Variants in METTL8 observed in about 807,000 individuals in gnomAD.
The protein encoded by METTL8 is tRNA N(3)-cytidine methyltransferase METTL8, mitochondrial.
A neutral mutation model predicts 48.7 loss-of-function variants in METTL8; 32 were observed. The observed-to-expected ratio is 0.66, with a 90% CI of 0.50 to 0.88. The LOEUF is 0.88. Among genes scored for constraint, METTL8 ranks in the 40% least tolerant of loss-of-function variants. The pLI, the probability that METTL8 is intolerant of heterozygous loss-of-function variation, is 0.00. For synonymous variants in METTL8, 136 were observed against 157.1 expected, an observed-to-expected ratio of 0.87 and a Z score of 1.01; for missense variants, 464 against 474.4, an observed-to-expected ratio of 0.98 and a Z score of 0.20.
chr2:171,397,352 TAAAAAAAAAAAA>T (rs71013039), intron 1 of METTL8, among the ~76,000 whole-genome samples: 6 of 11,692 alleles, frequency 5.1e-4, no homozygotes, highest in Non-Finnish European at 7.9e-4. Context: ...ACCCTGTCTC[TAAAAAAAAAAAA>T]AAAAAAAAAA....
chr2:171,385,765 G>C (rs1052738382), intron 2 of METTL8, among the ~76,000 whole-genome samples: 1 of 152,152 alleles, frequency 6.6e-6, no homozygotes, highest in Non-Finnish European at 1.5e-5. Flanking sequence ...GAGGTGAGAG[G>C]GAAAAGGAAG....
intron 2 of METTL8, among the ~76,000 whole-genome samples, chr2:171,365,194 C>A (rs921272867): frequency 6.6e-6 from 1 of 152,036 alleles, no homozygotes; most frequent in African/African-American, 2.4e-5. Context: ...ACAGGTTGCT[C>A]GGGGAAATAA....
chr2:171,322,743 CAAAAA>C lies in METTL8; in HGVS notation c.*1424_*1428del, dbSNP rs34093427. 18 of 108,292 alleles carry C rather than the reference CAAAAA, an allele frequency of 1.7e-4. No individual in the cohort carries two copies. The highest frequency in any genetic ancestry group is 1.7e-4 in the Non-Finnish European group (9 of 53,684). 6.7% of individuals were successfully genotyped at this position (108,292 alleles called of 1,614,324 possible). A position where few individuals can be genotyped will look rare whatever the true frequency, so the allele number is the denominator to read the frequency against. ...TGGGTGCCAGAGCAAGACTCCATCT[CAAAAA>C]AAAAAAAAAAAAAAAAGTAAAACAT... On this transcript the variant is annotated 3_prime_UTR_variant, in exon 10 of 10. Transcript: ENST00000375258.
At chr2:171,343,529 T>A (rs912712058) in intron 3 of METTL8, among the ~76,000 whole-genome samples, 1 of 152,040 alleles carries the variant, frequency 6.6e-6, no homozygotes, top group African/African-American at 2.4e-5. Context: ...TATACATTGA[T>A]GGCAGCTCTA....
intron 5 of METTL8, among the ~76,000 whole-genome samples, chr2:171,336,128 G>A (rs1022576203): frequency 2.0e-5 from 3 of 151,236 alleles, no homozygotes; most frequent in African/African-American, 7.3e-5. Flanking sequence ...ACAAAGTTTC[G>A]CACTGTTGCC....
At chr2:171,333,288 G>T (rs1685744936) in intron 5 of METTL8, among the ~76,000 whole-genome samples, 1 of 152,068 alleles carries the variant, frequency 6.6e-6, no homozygotes, top group East Asian at 1.9e-4. Context: ...AGTAGAGACA[G>T]GGTTTCACCA....
intron 3 of METTL8, among the ~76,000 whole-genome samples, chr2:171,340,228 C>A (rs1686585683): frequency 2.1e-5 from 3 of 144,138 alleles, no homozygotes; most frequent in Admixed American, 1.4e-4. Context: ...GAGGGCTGGG[C>A]ACGGTGGCTC....
At chr2:171,407,765 T>C (rs927438991) in intron 1 of METTL8, among the ~76,000 whole-genome samples, 1 of 152,256 alleles carries the variant, frequency 6.6e-6, no homozygotes, top group African/African-American at 2.4e-5. Flanking sequence ...ATAGGAGCCA[T>C]GTATAACTGC....
intron 9 of METTL8, among the ~76,000 whole-genome samples, chr2:171,325,121 CAAAAAAA>C (rs3835041): frequency 1.3e-5 from 1 of 76,052 alleles, no homozygotes; most frequent in South Asian, 5.0e-4. Context: ...GACTCTGTCT[CAAAAAAA>C]AAAAAAAAAA....
intron 1 of METTL8, among the ~76,000 whole-genome samples, chr2:171,414,169 G>A (rs1691039637): frequency 6.6e-6 from 1 of 152,152 alleles, no homozygotes. Context: ...TGTAATTCCA[G>A]CCCTTTGAGA....
intron 5 of METTL8, among the ~76,000 whole-genome samples, chr2:171,333,359 A>T (rs986614068): frequency 6.6e-6 from 1 of 152,184 alleles, no homozygotes; most frequent in Non-Finnish European, 1.5e-5. Context: ...TGGACTCCCA[A>T]AGTGCTGGGA....
chr2:171,389,872 T>C (rs1200849061), intron 2 of METTL8, among the ~76,000 whole-genome samples: 1 of 152,166 alleles, frequency 6.6e-6, no homozygotes, highest in Admixed American at 6.6e-5. Context: ...CTAAGATCAC[T>C]GATGAAGGTG....
In METTL8 at chr2:171,393,116, A is replaced by AC. The variant is rs1424816516; in HGVS notation, c.-12-920dup. On this transcript the variant is annotated intron_variant, in intron 1 of 9. Transcript: ENST00000375258. ...AAGACTCTGTCTCAAAACAAACAAA[A>AC]CAAAACAAAAATGCATGCTTAAGGC... Among the ~76,000 whole-genome samples the AC allele has an allele frequency of 6.6e-5, 10 of 150,478 alleles. No homozygotes were observed. In the East Asian group the frequency reaches 1.8e-3, roughly 27 times the overall value.
intron 1 of METTL8, among the ~76,000 whole-genome samples, chr2:171,427,290 C>T (rs992176934): frequency 6.6e-6 from 1 of 152,184 alleles, no homozygotes; most frequent in African/African-American, 2.4e-5. Flanking sequence ...TGGACAAATG[C>T]AATAGCCACC....
At chr2:171,327,751 G>A (rs138659343) in intron 7 of METTL8, among the ~76,000 whole-genome samples, 5 of 152,152 alleles carry the variant, frequency 3.3e-5, no homozygotes, top group South Asian at 2.1e-4. Context: ...AAAAAGAAAC[G>A]TATTTTTTGT....
At chr2:171,398,471 G>T (rs1689327102) in intron 1 of METTL8, among the ~76,000 whole-genome samples, 1 of 152,140 alleles carries the variant, frequency 6.6e-6, no homozygotes, top group Non-Finnish European at 1.5e-5. Flanking sequence ...GATAGAGACA[G>T]GAAGTGGAGT....
At chr2:171,395,543 G>C (rs1197524191) in intron 1 of METTL8, among the ~76,000 whole-genome samples, 1 of 152,134 alleles carries the variant, frequency 6.6e-6, no homozygotes, top group Non-Finnish European at 1.5e-5. Flanking sequence ...AGCTGGTGGG[G>C]CTATATTAAT....
At position 171,392,049 on chromosome 2, in the gene METTL8, T is replaced by C. The variant is rs1441481800; in HGVS notation, c.137A>G (p.Asn46Ser). Residue 46 changes from asparagine to serine, a missense_variant, in exon 2 of 10, where the codon AAC becomes AGC. Asn to Ser is a conservative substitution (Grantham distance 46). Coordinates refer to ENST00000375258, the MANE Select transcript of METTL8 (RefSeq NM_001321154.2). ...LTDPAKVFEH[N>S]MWDHMQWSKE... ...ATTTAAAAAGAAAACTCACCACATG[T>C]TGTGTTCAAAAACTTTGGCTGGGTC... is the stretch of plus-strand genomic sequence containing the variant. 33 of 1,551,066 alleles carry C rather than the reference T, an allele frequency of 2.1e-5. No homozygotes were observed. The highest frequency in any genetic ancestry group is 2.7e-5 in the Non-Finnish European group (31 of 1,146,852).
intron 2 of METTL8, among the ~76,000 whole-genome samples, chr2:171,372,203 G>C (rs1052626208): frequency 6.6e-6 from 1 of 152,116 alleles, no homozygotes; most frequent in Non-Finnish European, 1.5e-5. Context: ...TCAAAATTTT[G>C]AGAAGTTGGA....
Sources: allele counts gnomAD v4.1 joint callset (sites outside exome capture counted in the v4.1 genomes callset), GRCh38; gene constraint gnomAD v4.1.1; transcripts MANE v1.5; gene names NCBI Gene and HGNC (gene_info 2026-07-23, HGNC 2026-07-21).